The following NBAS variants were observed in gnomAD, a reference collection of about 807,000 sequenced individuals.
The protein encoded by NBAS is NBAS subunit of NRZ tethering complex, also known as NAG/BC035112 fusion.
NBAS carries 219 observed loss-of-function variants against 302.5 expected under a neutral mutation model. The ratio of observed to expected loss-of-function variants is 0.72; its 90% CI spans 0.65 to 0.81. NBAS has a LOEUF of 0.81. Ranked by LOEUF, NBAS falls within the 30% of genes least tolerant of loss-of-function variation. NBAS has a pLI of 0.00. For missense variants in NBAS, 2,932 were observed against 2,841.6 expected (o/e 1.03, Z -0.72); for synonymous variants, 1,118 against 1,021.6 (o/e 1.09, Z -1.80).
the NBAS span, among the ~76,000 whole-genome samples, chr2:14,974,006 C>T: frequency 6.6e-6 from 1 of 152,322 alleles, no homozygotes; most frequent in East Asian, 1.9e-4. Context: ...CTAAAGCCAA[C>T]TCTCGCCAAG....
the NBAS span, among the ~76,000 whole-genome samples, chr2:15,161,546 G>C: frequency 6.7e-6 from 1 of 150,028 alleles, no homozygotes; most frequent in Non-Finnish European, 1.5e-5. Context: ...GTGTCCAGAA[G>C]AGAAAGTTCA....
the NBAS span, among the ~76,000 whole-genome samples, chr2:15,030,165 G>A: frequency 6.6e-6 from 1 of 152,114 alleles, no homozygotes; most frequent in African/African-American, 2.4e-5. Flanking sequence ...TTCTGGGAAA[G>A]TGTGGAAGGT....
chr2:15,290,302 G>C (rs1314217112), intron 41 of NBAS, among the ~76,000 whole-genome samples: 3 of 152,162 alleles, frequency 2.0e-5, no homozygotes, highest in Non-Finnish European at 4.4e-5. Flanking sequence ...CAAGCTGGTG[G>C]AAACTCTGAG....
chr2:15,356,211 C>A, intron 33 of NBAS, 92 bp downstream of exon 33: 1 of 1,073,416 alleles, frequency 9.3e-7, no homozygotes. Flanking sequence ...GCTGGCTTAC[C>A]AATCAGGTCA....
the NBAS span, among the ~76,000 whole-genome samples, chr2:14,900,693 T>C: frequency 6.6e-6 from 1 of 152,148 alleles, no homozygotes; most frequent in African/African-American, 2.4e-5. Flanking sequence ...CAGATCTGAA[T>C]AAGGTGAAGT....
chr2:15,490,882 T>A (rs1680826935), intron 11 of NBAS, among the ~76,000 whole-genome samples: 1 of 152,166 alleles, frequency 6.6e-6, no homozygotes, highest in Non-Finnish European at 1.5e-5. Flanking sequence ...GAATAATTAG[T>A]CATGTGTGAT....
rs768592293 is a variant in NBAS, at chr2:15,474,099, A to G, written c.1567T>C (p.Ser523Pro). The G allele has an allele frequency of 6.2e-7, 1 of 1,614,204 alleles. No homozygotes were observed. Among genetic ancestry groups the G allele is most frequent in the Non-Finnish European group, 8.5e-7 (1 of 1,180,028 alleles). ...TGATAAAGTTCCTCTGGTGTCGTGG[A>G]GCGCAAACTCACAAGGCGGTAGTTT... is the stretch of plus-strand genomic sequence containing the variant. ...TKNYRLVSLR[S>P]TTPEELYQRK... The change falls in exon 15 of 52, where the codon TCC (serine) becomes CCC (proline). Residue 523 changes from serine (S) to proline (P), a missense_variant. By Grantham distance (74) the Ser-to-Pro change is moderately conservative (BLOSUM62 -1). Coordinates refer to ENST00000281513, the MANE Select transcript of NBAS (RefSeq NM_015909.4).
At chr2:15,367,236 A>G (rs1472363288) in intron 31 of NBAS, among the ~76,000 whole-genome samples, 1 of 152,164 alleles carries the variant, frequency 6.6e-6, no homozygotes, top group Non-Finnish European at 1.5e-5. Flanking sequence ...AAAATAAAAC[A>G]CATCTGATCA....
the NBAS span, among the ~76,000 whole-genome samples, chr2:14,889,873 T>C: frequency 6.6e-6 from 1 of 152,210 alleles, no homozygotes; most frequent in African/African-American, 2.4e-5. Flanking sequence ...TTACAAGTCA[T>C]TTCACTGGGA....
At chr2:15,179,273 TG>T in intron 50 of NBAS, 157 bp from the exon 51 acceptor site, 1 of 1,051,216 alleles carries the variant, frequency 9.5e-7, no homozygotes, top group Admixed American at 2.1e-5. Context: ...ATATGGGCGT[TG>T]GTACCTGCTT....
At chr2:15,289,919 C>A (rs1670225453) in intron 41 of NBAS, among the ~76,000 whole-genome samples, 1 of 152,126 alleles carries the variant, frequency 6.6e-6, no homozygotes, top group Non-Finnish European at 1.5e-5. Flanking sequence ...ATCACTTCAA[C>A]CTGGGAGGTG....
the NBAS span, among the ~76,000 whole-genome samples, chr2:15,112,014 C>T: frequency 6.7e-6 from 1 of 149,484 alleles, no homozygotes; most frequent in Non-Finnish European, 1.5e-5. Flanking sequence ...AAAAAATGAT[C>T]ATTAGAATAG....
the NBAS span, among the ~76,000 whole-genome samples, chr2:15,076,990 C>G: frequency 6.6e-6 from 1 of 152,214 alleles, no homozygotes; most frequent in Admixed American, 6.5e-5. Context: ...AGATGTTTCT[C>G]TCTTCTATAT....
the NBAS span, among the ~76,000 whole-genome samples, chr2:15,062,316 G>A: frequency 2.0e-5 from 3 of 152,246 alleles, no homozygotes; most frequent in South Asian, 4.1e-4. Context: ...CTGTGTTATC[G>A]CTAAACAGAA....
At chr2:15,382,089 T>TC (rs1675063301) in intron 29 of NBAS, among the ~76,000 whole-genome samples, 1 of 112,178 alleles carries the variant, frequency 8.9e-6, no homozygotes, top group South Asian at 2.9e-4. Context: ...GGTCATTTTT[T>TC]CCACACAAAC....
chr2:15,183,478 A>G (rs1664926073), intron 50 of NBAS, among the ~76,000 whole-genome samples: 1 of 152,236 alleles, frequency 6.6e-6, no homozygotes. Flanking sequence ...TCATCCCGAG[A>G]GAATTACACA....
At chr2:15,486,453 C>T (rs905872615) in intron 12 of NBAS, among the ~76,000 whole-genome samples, 3 of 152,126 alleles carry the variant, frequency 2.0e-5, no homozygotes, top group Non-Finnish European at 4.4e-5. Context: ...GTTTCAGGAA[C>T]ATGGAATCAA....
chr2:14,868,803 C>G, the NBAS span, among the ~76,000 whole-genome samples: 4 of 152,136 alleles, frequency 2.6e-5, no homozygotes, highest in Non-Finnish European at 4.4e-5. Context: ...TCATTTGGTT[C>G]TGGTAAGACT....
At chr2:15,059,947 T>TAAAAAAAAAAAAA in the NBAS span, among the ~76,000 whole-genome samples, 1 of 50,076 alleles carries the variant, frequency 2.0e-5, no homozygotes, top group Non-Finnish European at 4.3e-5. Context: ...GCAGTGCTGC[T>TAAAAAAAAAAAAA]AAAAAAAAAA....
Sources: gnomAD v4.1 joint callset for allele counts (sites outside exome capture counted in the v4.1 genomes callset) on GRCh38, gnomAD v4.1.1 for gene constraint, MANE v1.5 for transcripts, NCBI Gene and HGNC (gene_info 2026-07-23, HGNC 2026-07-21) for gene names.